Variants in VPS41 observed in about 807,000 individuals in gnomAD.
VPS41 encodes vacuolar protein sorting-associated protein 41 homolog.
VPS41 carries 85 observed loss-of-function variants against 130.9 expected under a neutral mutation model. The ratio of observed to expected loss-of-function variants is 0.65; its 90% CI spans 0.55 to 0.78. The LOEUF (loss-of-function observed/expected upper bound fraction) is 0.78. VPS41 is among the 30% of genes least tolerant of loss of function. The pLI, the probability that VPS41 is intolerant of heterozygous loss-of-function variation, is 0.00. For synonymous variants in VPS41, 335 were observed against 332.9 expected (o/e 1.01, Z -0.07); for missense variants, 874 against 1,018.7 (o/e 0.86, Z 1.93).
rs199716160 is a variant in VPS41 at position 38,743,540 on chromosome 7, G to A, written c.1984C>T (p.Arg662Ter). ...FVEETVYLLS[R>*]MGNSRSALKM... ...AGGGCACTTCGGCTATTACCCATTC[G>A]GCCTTGGTGGGGTGAAGATGGGAGA... The change falls in exon 24 of 29, where the codon CGA (arginine) becomes TGA (stop). Residue 662 changes from arginine (R) to a stop codon, truncating the protein, a stop_gained and splice_region_variant. Transcript: ENST00000310301. LOFTEE classifies it high-confidence loss of function. 2.0e-4 allele frequency: 316 copies of A among 1,612,880 alleles called. No homozygotes were observed. Among genetic ancestry groups the A allele is most frequent in the Admixed American group, 5.8e-4 (35 of 59,958 alleles).
At chr7:38,881,765 T>G (rs555418560) in intron 2 of VPS41, among the ~76,000 whole-genome samples, 1 of 152,068 alleles carries the variant, frequency 6.6e-6, no homozygotes, top group African/African-American at 2.4e-5. Context: ...ATCTCCAAAA[T>G]GAGGACACAA....
chr7:38,796,703 G>T, intron 8 of VPS41, 42 bp downstream of exon 8: 1 of 1,612,168 alleles, frequency 6.2e-7, no homozygotes, highest in Non-Finnish European at 8.5e-7. Context: ...CCATTCTTCT[G>T]CCACTGAACA....
rs1311361629 is a variant in VPS41 at position 38,722,976 on chromosome 7, T to C, written c.*3270A>G. 6.6e-6 allele frequency: 1 copy of C among 152,130 alleles called. No homozygotes were observed. The highest frequency in any genetic ancestry group is 2.4e-5 in the African/African-American group (1 of 41,446). The allele number at this position is 152,130 out of a possible 1,614,324, so 9.4% of individuals were successfully genotyped here. A position where few individuals can be genotyped will look rare whatever the true frequency, so the allele number is the denominator to read the frequency against. On this transcript the variant is annotated 3_prime_UTR_variant, in exon 29 of 29. Transcript: ENST00000310301. ...GTGACATAAATAGACCATTAACACA[T>C]ATTTTATATTTTATTTATATTATAT...
In VPS41 at chr7:38,909,185, G is replaced by A. The variant is rs910393148; in HGVS notation, c.-11C>T. ...CTCTGCTTCCGCCATGGCGCCACGGGAGAGTCACCTGACAGACCCGGAAAT... is the reference window on the plus strand; with the variant it reads ...CTCTGCTTCCGCCATGGCGCCACGGAAGAGTCACCTGACAGACCCGGAAAT... On this transcript the variant is annotated 5_prime_UTR_variant, in exon 1 of 29. Transcript: ENST00000310301. The A allele has an allele frequency of 1.9e-6, 3 of 1,614,102 alleles. No homozygotes were observed. The highest frequency in any genetic ancestry group is 1.3e-5 in the African/African-American group (1 of 74,934).
At chr7:38,771,790 A>G (rs1784157782) in intron 13 of VPS41, among the ~76,000 whole-genome samples, 1 of 152,248 alleles carries the variant, frequency 6.6e-6, no homozygotes, top group Admixed American at 6.5e-5. Flanking sequence ...TATTTAAAAC[A>G]TACAATTATT....
At chr7:38,885,150 G>A (rs559973414) in intron 2 of VPS41, among the ~76,000 whole-genome samples, 5 of 152,046 alleles carry the variant, frequency 3.3e-5, no homozygotes, top group Admixed American at 2.0e-4. Flanking sequence ...CTCGGCTCAC[G>A]GCAGCCTCCA....
chr7:38,890,402 C>T (rs1786835077), intron 2 of VPS41, among the ~76,000 whole-genome samples: 1 of 151,916 alleles, frequency 6.6e-6, no homozygotes, highest in East Asian at 1.9e-4. Context: ...TGGCTGTGAC[C>T]AAAAAAAGAT....
At chr7:38,845,803 C>T (rs1242193568) in intron 4 of VPS41, among the ~76,000 whole-genome samples, 1 of 152,200 alleles carries the variant, frequency 6.6e-6, no homozygotes, top group Non-Finnish European at 1.5e-5. Context: ...TCTGATACCC[C>T]TGTGAAACAA....
In VPS41 at chr7:38,844,206, C is replaced by T. The variant is rs11977811; in HGVS notation, c.247-13878G>A. Among the ~76,000 whole-genome samples the T allele has an allele frequency of 8.9e-3, 1,353 of 152,312 alleles. 23 individuals carry two copies. The highest frequency in any genetic ancestry group is 0.03 in the African/African-American group (1,256 of 41,576). Reference sequence around the variant, plus strand: ...ATATCACAGTCTATTGAACTGCAGACGATTCCTTCCCAGTGATTTCAAACT... The same window carrying T: ...ATATCACAGTCTATTGAACTGCAGATGATTCCTTCCCAGTGATTTCAAACT... On this transcript the variant is annotated intron_variant, in intron 4 of 28. Coordinates refer to ENST00000310301, the MANE Select transcript of VPS41 (RefSeq NM_014396.4).
At chr7:38,797,638 T>C (rs984125625) in intron 7 of VPS41, among the ~76,000 whole-genome samples, 111 of 146,254 alleles carry the variant, frequency 7.6e-4, no homozygotes, top group Non-Finnish European at 5.7e-4. Flanking sequence ...CTGAAACACA[T>C]GTTTATCCTT....
At chr7:38,851,515 T>C (rs186810175) in intron 4 of VPS41, among the ~76,000 whole-genome samples, 39 of 152,360 alleles carry the variant, frequency 2.6e-4, no homozygotes, top group African/African-American at 8.9e-4. Context: ...CCTTTTTATT[T>C]TGAGTTGAAT....
At position 38,774,166 on chromosome 7, in the gene VPS41, C is replaced by T. The variant is rs776050184; in HGVS notation, c.961G>A (p.Ala321Thr). The T allele has an allele frequency of 1.5e-5, 24 of 1,609,110 alleles. No individual in the cohort carries two copies. The highest frequency in any genetic ancestry group is 2.0e-5 in the Non-Finnish European group (24 of 1,176,514). ...TCCTGAAAGCCTCTGACTGTCAAAG[C>T]ATCAGAAGAGATCTCTTCACAAGTC... ...SETCEEISSD[A>T]LTVRGFQENE... Residue 321 changes from alanine (A) to threonine (T), a missense_variant, in exon 12 of 29, where the codon GCT becomes ACT. Coordinates refer to ENST00000310301, the MANE Select transcript of VPS41 (RefSeq NM_014396.4).
chr7:38,839,174 G>A (rs1016773422), intron 4 of VPS41, among the ~76,000 whole-genome samples: 5 of 152,106 alleles, frequency 3.3e-5, no homozygotes, highest in Non-Finnish European at 1.5e-5. Context: ...TAGCAAGCAC[G>A]CCACACTTAC....
intron 13 of VPS41, 84 bp from the exon 14 acceptor site, chr7:38,771,338 G>T (rs1260711662): frequency 2.1e-6 from 2 of 950,256 alleles, no homozygotes; most frequent in Non-Finnish European, 3.3e-6. Context: ...GGGAGAGAAA[G>T]ATATTGAGGT....
chr7:38,762,445 G>A (rs3801140), intron 17 of VPS41, among the ~76,000 whole-genome samples: 96,642 of 152,034 alleles, frequency 0.64, 31,617 homozygotes, highest in Non-Finnish European at 0.73. Context: ...CTGCTGGGTC[G>A]TAAATTAATA....
intron 16 of VPS41, among the ~76,000 whole-genome samples, chr7:38,764,790 T>G (rs1783999469): frequency 6.6e-6 from 1 of 152,106 alleles, no homozygotes; most frequent in Non-Finnish European, 1.5e-5. Context: ...TGGATTTATA[T>G]TAACTTGAAT....
chr7:38,809,339 ATATATG>A (rs1437597134), intron 7 of VPS41, among the ~76,000 whole-genome samples: 1 of 147,738 alleles, frequency 6.8e-6, no homozygotes, highest in Admixed American at 6.8e-5. Context: ...AAAAATATAT[ATATATG>A]TATATTTTAT....
chr7:38,829,113 C>T (rs1295939534), intron 5 of VPS41, among the ~76,000 whole-genome samples: 2 of 152,164 alleles, frequency 1.3e-5, no homozygotes, highest in African/African-American at 4.8e-5. Context: ...CATTTCTGCA[C>T]AAACCAACTC....
chr7:38,829,242 G>A (rs1421483920), intron 5 of VPS41, among the ~76,000 whole-genome samples: 1 of 151,984 alleles, frequency 6.6e-6, no homozygotes, highest in Non-Finnish European at 1.5e-5. Context: ...AGACTCTTTG[G>A]GCAACATTAG....
Sources: gnomAD v4.1 joint callset for allele counts (sites outside exome capture counted in the v4.1 genomes callset) on GRCh38, gnomAD v4.1.1 for gene constraint, MANE v1.5 for transcripts, NCBI Gene and HGNC (gene_info 2026-07-23, HGNC 2026-07-21) for gene names.